The following CFAP70 variants were observed in gnomAD, a reference collection of about 807,000 sequenced individuals.
The protein encoded by CFAP70 is cilia- and flagella-associated protein 70.
CFAP70 carries 81 observed loss-of-function variants against 137.6 expected under a neutral mutation model. The ratio of observed to expected loss-of-function variants is 0.59; its 90% CI spans 0.49 to 0.71. The LOEUF (loss-of-function observed/expected upper bound fraction) is 0.71. Among genes scored for constraint, CFAP70 ranks in the 30% least tolerant of loss-of-function variants. CFAP70 has a pLI of 0.00. For synonymous variants in CFAP70, 382 were observed against 423.6 expected, an observed-to-expected ratio of 0.90 and a Z score of 1.20; for missense variants, 976 against 1,226.7, an observed-to-expected ratio of 0.80 and a Z score of 3.05.
intron 26 of CFAP70, 60 bp from the exon 28 acceptor site, chr10:73,254,115 T>G: frequency 7.2e-7 from 1 of 1,383,686 alleles, no homozygotes; most frequent in Admixed American, 1.9e-5. Context: ...TTTATGTGGC[T>G]TTGAAGACCC....
chr10:73,332,191 T>C (rs1338358340), intron 7 of CFAP70, among the ~76,000 whole-genome samples: 2 of 152,132 alleles, frequency 1.3e-5, no homozygotes, highest in East Asian at 1.9e-4. Flanking sequence ...TTTTGACAAA[T>C]TGCTGGAGGC....
At chr10:73,333,876 G>A (rs2052365078) in intron 7 of CFAP70, among the ~76,000 whole-genome samples, 1 of 152,126 alleles carries the variant, frequency 6.6e-6, no homozygotes, top group Admixed American at 6.5e-5. Context: ...ATTCTTAATT[G>A]ATCTGATAAC....
intron 7 of CFAP70, among the ~76,000 whole-genome samples, chr10:73,332,303 C>T (rs2052190033): frequency 6.6e-6 from 1 of 152,166 alleles, no homozygotes; most frequent in Non-Finnish European, 1.5e-5. Context: ...CAAGTTCTCA[C>T]AGTGAAGATA....
intron 4 of CFAP70, chr10:73,347,018 A>C (rs963211746): frequency 1.3e-5 from 2 of 152,332 alleles, no homozygotes; most frequent in African/African-American, 4.8e-5. Flanking sequence ...TTCTTTCCCC[A>C]CTTCTCACTA....
chr10:73,349,265 C>T (rs775203233), intron 3 of CFAP70, among the ~76,000 whole-genome samples: 3 of 152,002 alleles, frequency 2.0e-5, no homozygotes, highest in Non-Finnish European at 4.4e-5. Flanking sequence ...CTAGGGTGGG[C>T]GAGGTGGCTT....
chr10:73,313,399 G>A (rs896853013), intron 9 of CFAP70, among the ~76,000 whole-genome samples: 2 of 149,102 alleles, frequency 1.3e-5, no homozygotes, highest in East Asian at 2.0e-4. Flanking sequence ...AAAAATCAGC[G>A]AGGTATGGTG....
At chr10:73,312,749 T>G in intron 9 of CFAP70, 106 bp from the exon 11 acceptor site, 3 of 1,002,364 alleles carry the variant, frequency 3.0e-6, no homozygotes, top group Non-Finnish European at 4.3e-6. Context: ...ATTTCGACAT[T>G]TAATATCAGA....
intron 6 of CFAP70, among the ~76,000 whole-genome samples, chr10:73,340,321 G>A (rs559867774): frequency 1.2e-4 from 18 of 152,338 alleles, no homozygotes; most frequent in Admixed American, 2.6e-4. Flanking sequence ...TCTCTCCACC[G>A]GCAGGTCATC....
intron 25 of CFAP70, among the ~76,000 whole-genome samples, chr10:73,265,909 T>G (rs1156919236): frequency 3.3e-5 from 5 of 151,776 alleles, no homozygotes; most frequent in African/African-American, 1.2e-4. Context: ...ACCAAGTGAA[T>G]TTTAGGATTT....
chr10:73,318,142 A>G (rs535211951), intron 9 of CFAP70, among the ~76,000 whole-genome samples: 100 of 152,304 alleles, frequency 6.6e-4, no homozygotes, highest in Non-Finnish European at 1.2e-3. Flanking sequence ...GGGAAGGCAG[A>G]GCAGCCCCAG....
Position 73,331,354 on chromosome 10 carries a change from T to A in CFAP70, c.678-78A>T, listed in dbSNP as rs2052058410. On this transcript the variant is annotated intron_variant, in intron 7 of 26. Transcript: ENST00000310715. ...TAATTTAGGTTAAAGGGAAATATTC[T>A]CTTTTAGAAAGTAATATAGAATATA... 10 of 1,227,812 alleles carry A rather than the reference T, an allele frequency of 8.1e-6. No homozygotes were observed. In the South Asian group the frequency reaches 9.3e-5, roughly 11 times the overall value. 76.1% of individuals were successfully genotyped at this position (1,227,812 alleles called of 1,614,324 possible).
At chr10:73,258,221 G>A (rs918395027) in intron 25 of CFAP70, among the ~76,000 whole-genome samples, 4 of 152,194 alleles carry the variant, frequency 2.6e-5, no homozygotes, top group African/African-American at 7.2e-5. Context: ...GACACTGAAC[G>A]GAGGGACCGG....
intron 6 of CFAP70, among the ~76,000 whole-genome samples, chr10:73,337,183 T>A (rs1201374885): frequency 6.6e-6 from 1 of 152,142 alleles, no homozygotes; most frequent in East Asian, 1.9e-4. Flanking sequence ...CACTCAGTTT[T>A]AAAAAATGAA....
chr10:73,291,611 ACACATTCAG>A lies in CFAP70; in HGVS notation c.2020+20_2020+28del. Reference sequence around the variant, plus strand: ...GGGAAAATCTTATAATGGGGAGAAAACACATTCAGATTACAAGAAAATATCTACCAAGTA... The same window carrying A: ...GGGAAAATCTTATAATGGGGAGAAAAATTACAAGAAAATATCTACCAAGTA... On this transcript the variant is annotated intron_variant, in intron 18 of 26. Coordinates refer to ENST00000310715, the Ensembl canonical transcript of CFAP70. The A allele has an allele frequency of 6.3e-7, 1 of 1,583,452 alleles. No individual in the cohort carries two copies. The highest frequency in any genetic ancestry group is 8.6e-7 in the Non-Finnish European group (1 of 1,157,566).
At chr10:73,331,611 G>A (rs951483708) in intron 7 of CFAP70, among the ~76,000 whole-genome samples, 1 of 152,182 alleles carries the variant, frequency 6.6e-6, no homozygotes, top group Non-Finnish European at 1.5e-5. Flanking sequence ...GAGCTCAGGA[G>A]GTCAAGGCTA....
At chr10:73,338,374 C>A (rs1359733987) in intron 6 of CFAP70, among the ~76,000 whole-genome samples, 1 of 151,636 alleles carries the variant, frequency 6.6e-6, no homozygotes, top group African/African-American at 2.4e-5. Flanking sequence ...GATCTGCCCG[C>A]CTTGGCCTCC....
chr10:73,256,449 A>C, intron 25 of CFAP70, 33 bp from the exon 27 acceptor site: 1 of 1,613,636 alleles, frequency 6.2e-7, no homozygotes, highest in Non-Finnish European at 8.5e-7. Context: ...TGATGATGAC[A>C]GGTCATAAAC....
intron 9 of CFAP70, among the ~76,000 whole-genome samples, chr10:73,321,980 T>A (rs941820402): frequency 6.6e-6 from 1 of 152,100 alleles, no homozygotes; most frequent in Non-Finnish European, 1.5e-5. Flanking sequence ...GACGGGTTTT[T>A]GCCATGTTGG....
At chr10:73,336,244 G>A (rs1278487873) in intron 6 of CFAP70, among the ~76,000 whole-genome samples, 5 of 152,058 alleles carry the variant, frequency 3.3e-5, no homozygotes, top group Non-Finnish European at 7.4e-5. Flanking sequence ...TGTTTTAAAC[G>A]CTTTCCTGGT....
Sources: allele counts gnomAD v4.1 joint callset (sites outside exome capture counted in the v4.1 genomes callset), GRCh38; gene constraint gnomAD v4.1.1; transcripts MANE v1.5; gene names NCBI Gene and HGNC (gene_info 2026-07-23, HGNC 2026-07-21).